SYNPR: variants seen among roughly 807,000 people sequenced by gnomAD.
The protein encoded by SYNPR is synaptoporin.
SYNPR carries 23 observed loss-of-function variants against 32.9 expected under a neutral mutation model. That is an observed-to-expected ratio of 0.70 (90% CI 0.50 to 0.99). SYNPR has a LOEUF of 0.99. SYNPR is among the 50% of genes least tolerant of loss of function. The pLI is 0.00. For missense variants in SYNPR, 318 were observed against 349.3 expected, an observed-to-expected ratio of 0.91 and a Z score of 0.71; for synonymous variants, 146 against 135.9, an observed-to-expected ratio of 1.07 and a Z score of -0.52.
chr3:63,527,805 G>C (rs1298427676), intron 3 of SYNPR, among the ~76,000 whole-genome samples: 2 of 152,112 alleles, frequency 1.3e-5, no homozygotes, highest in South Asian at 2.1e-4. Flanking sequence ...GTATCCCCAA[G>C]TGTCAAGTTT....
intron 3 of SYNPR, among the ~76,000 whole-genome samples, chr3:63,485,250 C>T (rs1205543598): frequency 1.3e-5 from 2 of 151,716 alleles, no homozygotes; most frequent in Non-Finnish European, 2.9e-5. Flanking sequence ...TGAAAGACAC[C>T]AAAAGGAGAA....
chr3:63,342,092 G>GAA (rs2087377254), intron 2 of SYNPR, among the ~76,000 whole-genome samples: 1 of 152,146 alleles, frequency 6.6e-6, no homozygotes, highest in African/African-American at 2.4e-5. Context: ...ATGTTCAGTT[G>GAA]TTTTAGCACC....
intron 2 of SYNPR, among the ~76,000 whole-genome samples, chr3:63,256,554 CA>C (rs1172778557): frequency 1.3e-5 from 2 of 152,136 alleles, no homozygotes; most frequent in East Asian, 3.9e-4. Flanking sequence ...ACATCCACAC[CA>C]AAACCCCATC....
chr3:63,418,726 G>A lies in SYNPR; in HGVS notation c.85-62106G>A, dbSNP rs115424012. Reference sequence around the variant, plus strand: ...CTCCCTTATAAAACCATTAGATCTCGTGAGACTTATTCACTATCACAACAG... The same window carrying A: ...CTCCCTTATAAAACCATTAGATCTCATGAGACTTATTCACTATCACAACAG... On this transcript the variant is annotated intron_variant, in intron 2 of 5. Coordinates refer to ENST00000478300, the MANE Select transcript of SYNPR (RefSeq NM_001130003.2). Among the ~76,000 whole-genome samples, 801 of 152,250 alleles carry A rather than the reference G, an allele frequency of 5.3e-3. 8 individuals carry two copies. The highest frequency in any genetic ancestry group is 0.018 in the African/African-American group (739 of 41,558).
chr3:63,518,640 C>T (rs1701844379), intron 3 of SYNPR, among the ~76,000 whole-genome samples: 1 of 152,172 alleles, frequency 6.6e-6, no homozygotes, highest in South Asian at 2.1e-4. Context: ...AGTTACCTAA[C>T]ATTGCTGAAC....
chr3:63,576,537 A>G (rs1702982690), intron 4 of SYNPR, among the ~76,000 whole-genome samples: 1 of 152,080 alleles, frequency 6.6e-6, no homozygotes. Context: ...CACACCTGTA[A>G]TCCCAACACT....
At chr3:63,466,026 A>G (rs989287409) in intron 2 of SYNPR, among the ~76,000 whole-genome samples, 4 of 152,074 alleles carry the variant, frequency 2.6e-5, no homozygotes, top group African/African-American at 9.7e-5. Context: ...CCTAGTACCC[A>G]TTAGTTACTT....
chr3:63,386,201 T>C (rs1245852993), intron 2 of SYNPR, among the ~76,000 whole-genome samples: 1 of 152,196 alleles, frequency 6.6e-6, no homozygotes, highest in Non-Finnish European at 1.5e-5. Context: ...CCTTATTCTA[T>C]AGAAAGGAAA....
At chr3:63,210,019 T>C in the SYNPR span, among the ~76,000 whole-genome samples, 2 of 151,868 alleles carry the variant, frequency 1.3e-5, no homozygotes, top group South Asian at 4.2e-4. Context: ...CCATATTAGC[T>C]AAAATTTTTT....
intron 2 of SYNPR, among the ~76,000 whole-genome samples, chr3:63,380,653 A>G (rs1337195980): frequency 2.0e-5 from 3 of 152,156 alleles, no homozygotes; most frequent in Non-Finnish European, 4.4e-5. Flanking sequence ...AAAATTCTCA[A>G]TAAAATACTG....
intron 2 of SYNPR, among the ~76,000 whole-genome samples, chr3:63,324,870 C>T (rs1034174566): frequency 3.9e-5 from 6 of 152,056 alleles, no homozygotes; most frequent in East Asian, 1.9e-4. Flanking sequence ...CTGTTCTACA[C>T]GGACCTCAGG....
chr3:63,209,737 G>A, the SYNPR span, among the ~76,000 whole-genome samples: 1 of 152,132 alleles, frequency 6.6e-6, no homozygotes. Flanking sequence ...TTTCAAGGAA[G>A]AGTTCCCATG....
At chr3:63,274,515 C>T (rs946067581), upstream of SYNPR, among the ~76,000 whole-genome samples, 2 of 152,190 alleles carry the variant, frequency 1.3e-5, no homozygotes, top group African/African-American at 4.8e-5. Flanking sequence ...CTTTGAGATT[C>T]AAAATGGTTG....
At chr3:63,488,319 A>G (rs993669903) in intron 3 of SYNPR, among the ~76,000 whole-genome samples, 5 of 152,176 alleles carry the variant, frequency 3.3e-5, no homozygotes, top group Admixed American at 1.3e-4. Flanking sequence ...TTATAACTAC[A>G]GTATCTCATT....
chr3:63,423,084 C>T (rs746944103), intron 2 of SYNPR, among the ~76,000 whole-genome samples: 1 of 152,110 alleles, frequency 6.6e-6, no homozygotes, highest in Non-Finnish European at 1.5e-5. Context: ...CAAAATATTG[C>T]TGCATGCTAT....
intron 2 of SYNPR, among the ~76,000 whole-genome samples, chr3:63,418,631 TG>T (rs1223613142): frequency 2.6e-5 from 4 of 152,040 alleles, no homozygotes; most frequent in Non-Finnish European, 5.9e-5. Flanking sequence ...ACAACTATGG[TG>T]GAAAACAAAG....
At chr3:63,554,240 T>C (rs946000547) in intron 3 of SYNPR, among the ~76,000 whole-genome samples, 1 of 152,258 alleles carries the variant, frequency 6.6e-6, no homozygotes, top group Non-Finnish European at 1.5e-5. Flanking sequence ...CACTTACCAA[T>C]TTTTGTTTTT....
chr3:63,259,796 C>A (rs141419702), intron 2 of SYNPR, among the ~76,000 whole-genome samples: 2,552 of 152,108 alleles, frequency 0.017, 64 homozygotes, highest in African/African-American at 0.055. Context: ...CCCTGTTTGC[C>A]GATGACATGA....
chr3:63,546,499 G>A (rs575896171), intron 3 of SYNPR, among the ~76,000 whole-genome samples: 1 of 151,982 alleles, frequency 6.6e-6, no homozygotes, highest in African/African-American at 2.4e-5. Context: ...TGGGGGTGAG[G>A]GGGGAACAGT....
Sources: allele counts gnomAD v4.1 joint callset (sites outside exome capture counted in the v4.1 genomes callset), GRCh38; gene constraint gnomAD v4.1.1; transcripts MANE v1.5; gene names NCBI Gene and HGNC (gene_info 2026-07-23, HGNC 2026-07-21).